The following CADM2 variants were observed in gnomAD, a reference collection of about 807,000 sequenced individuals.
The protein encoded by CADM2 is immunoglobulin superfamily member 4D.
CADM2 carries 12 observed loss-of-function variants against 49.8 expected under a neutral mutation model. The ratio of observed to expected loss-of-function variants is 0.24; its 90% CI spans 0.15 to 0.39. CADM2 has a LOEUF of 0.39. CADM2 is among the 10% of genes least tolerant of loss of function. The pLI is 1.00. For synonymous variants in CADM2, 214 were observed against 175.4 expected, an observed-to-expected ratio of 1.22 and a Z score of -1.74; for missense variants, 378 against 492.3, an observed-to-expected ratio of 0.77 and a Z score of 2.20.
At chr3:85,328,197 T>C (rs1292258616) in intron 1 of CADM2, among the ~76,000 whole-genome samples, 1 of 152,242 alleles carries the variant, frequency 6.6e-6, no homozygotes, top group Non-Finnish European at 1.5e-5. Context: ...TATGAATTCC[T>C]GTCTAACAGG....
intron 8 of CADM2, among the ~76,000 whole-genome samples, chr3:85,966,914 T>A (rs1725549550): frequency 6.6e-6 from 1 of 151,682 alleles, no homozygotes; most frequent in Non-Finnish European, 1.5e-5. Flanking sequence ...TAGGATACAT[T>A]ATTTTAAAAA....
At chr3:85,904,448 G>A (rs1055711928) in intron 5 of CADM2, among the ~76,000 whole-genome samples, 1 of 152,156 alleles carries the variant, frequency 6.6e-6, no homozygotes, top group African/African-American at 2.4e-5. Flanking sequence ...TCTCCACCTT[G>A]GGTACATCTA....
chr3:86,045,614 T>C (rs965881654), intron 8 of CADM2, among the ~76,000 whole-genome samples: 3 of 152,198 alleles, frequency 2.0e-5, no homozygotes, highest in African/African-American at 7.2e-5. Flanking sequence ...TCCACCCATC[T>C]ATCAGAAAAT....
At chr3:85,900,123 T>A (rs1037679730) in intron 5 of CADM2, among the ~76,000 whole-genome samples, 1 of 152,216 alleles carries the variant, frequency 6.6e-6, no homozygotes, top group Non-Finnish European at 1.5e-5. Flanking sequence ...ATCTCACTTA[T>A]TTTCCATCTC....
intron 1 of CADM2, among the ~76,000 whole-genome samples, chr3:85,160,661 C>A (rs1324174903): frequency 6.6e-6 from 1 of 152,072 alleles, no homozygotes; most frequent in Non-Finnish European, 1.5e-5. Flanking sequence ...AAAAACATTA[C>A]TTCAAGTTAA....
rs1403948997 is a variant in CADM2 at position 85,030,616 on chromosome 3, G to A, written c.61+70948G>A. ...TGAACTAATAAAACCTGTCAAACAG[G>A]ATATTCCTTGAATTCCCTTGACCCT... On this transcript the variant is annotated intron_variant, in intron 1 of 9. Coordinates refer to ENST00000383699, the MANE Select transcript of CADM2 (RefSeq NM_001167675.2). Among the ~76,000 whole-genome samples, 4 of 152,118 alleles carry A rather than the reference G, an allele frequency of 2.6e-5. No individual in the cohort carries two copies. In the East Asian group the frequency reaches 7.8e-4, roughly 29 times the overall value.
chr3:85,136,021 GT>G (rs1290462156), intron 1 of CADM2, among the ~76,000 whole-genome samples: 1 of 151,986 alleles, frequency 6.6e-6, no homozygotes, highest in Non-Finnish European at 1.5e-5. Flanking sequence ...CTATTGGTGT[GT>G]TTTATTGTGA....
At position 85,786,741 on chromosome 3, in the gene CADM2, G is replaced by A. The variant is rs555129309; in HGVS notation, c.89-15306G>A. On this transcript the variant is annotated intron_variant, in intron 2 of 9. Coordinates refer to ENST00000383699, the MANE Select transcript of CADM2 (RefSeq NM_001167675.2). The stretch of plus-strand genomic sequence containing the variant: ...AAGGCAGTATCTTATGTCTGTCAGA[G>A]AATGAAATATTATGTATATGTATAC... Among the ~76,000 whole-genome samples, 5 of 152,076 alleles carry A rather than the reference G, an allele frequency of 3.3e-5. No homozygotes were observed. The East Asian group carries it at 9.7e-4, about 29-fold the overall frequency.
At chr3:84,986,291 C>T (rs982289241) in intron 1 of CADM2, among the ~76,000 whole-genome samples, 3 of 152,038 alleles carry the variant, frequency 2.0e-5, no homozygotes, top group Admixed American at 1.3e-4. Flanking sequence ...TGTCCTCTTG[C>T]GATTAATTTA....
At chr3:85,944,050 T>C (rs886523606) in intron 7 of CADM2, among the ~76,000 whole-genome samples, 3 of 151,880 alleles carry the variant, frequency 2.0e-5, no homozygotes, top group Non-Finnish European at 2.9e-5. Flanking sequence ...GAGACACACA[T>C]AGGCTCAAAA....
At chr3:85,248,107 A>T (rs2042690326) in intron 1 of CADM2, among the ~76,000 whole-genome samples, 1 of 152,154 alleles carries the variant, frequency 6.6e-6, no homozygotes, top group African/African-American at 2.4e-5. Context: ...TCAGCAAAAA[A>T]ACCTGAAGTA....
At chr3:85,108,268 G>T (rs531597194) in intron 1 of CADM2, among the ~76,000 whole-genome samples, 3 of 152,058 alleles carry the variant, frequency 2.0e-5, no homozygotes, top group Non-Finnish European at 4.4e-5. Flanking sequence ...CATGTTTCTA[G>T]CAGCATTATT....
At chr3:85,619,165 G>T (rs2063893353) in intron 1 of CADM2, among the ~76,000 whole-genome samples, 2 of 152,078 alleles carry the variant, frequency 1.3e-5, no homozygotes, top group African/African-American at 2.4e-5. Context: ...TGTAACTGTG[G>T]ACTCTTTCTC....
chr3:85,901,671 C>A (rs542589963), intron 5 of CADM2, among the ~76,000 whole-genome samples: 5 of 152,216 alleles, frequency 3.3e-5, no homozygotes, highest in Admixed American at 3.3e-4. Context: ...TAATTCACAT[C>A]ATCAAATTCA....
chr3:85,964,853 T>G (rs1725282281), intron 8 of CADM2, among the ~76,000 whole-genome samples: 1 of 151,816 alleles, frequency 6.6e-6, no homozygotes, highest in Non-Finnish European at 1.5e-5. Flanking sequence ...AGTTTCTATT[T>G]TCTTCTTTAT....
intron 1 of CADM2, among the ~76,000 whole-genome samples, chr3:85,084,365 C>T (rs890915380): frequency 1.3e-5 from 2 of 152,094 alleles, no homozygotes; most frequent in Admixed American, 6.5e-5. Flanking sequence ...TCGTTCACTT[C>T]GAAACATATG....
At chr3:85,234,428 T>TA (rs2042367307) in intron 1 of CADM2, among the ~76,000 whole-genome samples, 1 of 152,066 alleles carries the variant, frequency 6.6e-6, no homozygotes, top group South Asian at 2.1e-4. Flanking sequence ...TCCTCAGCTG[T>TA]AAAAAGGGAA....
intron 1 of CADM2, among the ~76,000 whole-genome samples, chr3:85,413,640 C>G (rs1440331526): frequency 6.6e-6 from 1 of 152,102 alleles, no homozygotes; most frequent in Non-Finnish European, 1.5e-5. Context: ...GAGCCACATA[C>G]TTTTAAACAG....
At chr3:86,029,965 C>A (rs1734364024) in intron 8 of CADM2, among the ~76,000 whole-genome samples, 1 of 151,730 alleles carries the variant, frequency 6.6e-6, no homozygotes, top group South Asian at 2.1e-4. Flanking sequence ...TGAAAGCAAG[C>A]AGAGGAGAAA....
Sources: gnomAD v4.1 joint callset for allele counts (sites outside exome capture counted in the v4.1 genomes callset) on GRCh38, gnomAD v4.1.1 for gene constraint, MANE v1.5 for transcripts, NCBI Gene and HGNC (gene_info 2026-07-23, HGNC 2026-07-21) for gene names.